SPPL3: variants seen among roughly 807,000 people sequenced by gnomAD.
SPPL3 encodes signal peptide peptidase-like 3.
A neutral mutation model predicts 42.4 loss-of-function variants in SPPL3; 5 were observed. That is an observed-to-expected ratio of 0.12 (90% CI 0.06 to 0.25). The LOEUF (loss-of-function observed/expected upper bound fraction) is 0.25, where lower values mean the gene tolerates loss of function less well. SPPL3 is among the 10% of genes least tolerant of loss of function. The pLI, the probability that SPPL3 is intolerant of heterozygous loss-of-function variation, is 1.00. For synonymous variants in SPPL3, 195 were observed against 181.8 expected, an observed-to-expected ratio of 1.07 and a Z score of -0.58; for missense variants, 235 against 489.0, an observed-to-expected ratio of 0.48 and a Z score of 4.90.
intron 3 of SPPL3, among the ~76,000 whole-genome samples, chr12:120,789,480 A>C (rs572322072): frequency 6.9e-6 from 1 of 145,548 alleles, no homozygotes; most frequent in South Asian, 2.2e-4. Context: ...AGCATTTAAA[A>C]AAGAAGTATT....
chr12:120,827,863 C>T (rs988626996), intron 1 of SPPL3, among the ~76,000 whole-genome samples: 3 of 152,118 alleles, frequency 2.0e-5, no homozygotes, highest in African/African-American at 7.2e-5. Flanking sequence ...TCTTGGCTCA[C>T]TGCATCCTCC....
At chr12:120,852,303 C>A (rs10849800) in intron 1 of SPPL3, among the ~76,000 whole-genome samples, 25,800 of 141,770 alleles carry the variant, frequency 0.18, 4,176 homozygotes, top group African/African-American at 0.4. Context: ...AGATATATAT[C>A]TTTATTATAT....
intron 1 of SPPL3, among the ~76,000 whole-genome samples, chr12:120,811,956 G>A (rs917840009): frequency 1.3e-5 from 2 of 152,118 alleles, no homozygotes; most frequent in Non-Finnish European, 2.9e-5. Flanking sequence ...TGCAGTCTAA[G>A]AACAGGGGAG....
At chr12:120,861,894 A>C (rs550432857) in intron 1 of SPPL3, among the ~76,000 whole-genome samples, 52 of 152,306 alleles carry the variant, frequency 3.4e-4, no homozygotes, top group Non-Finnish European at 5.7e-4. Flanking sequence ...AAGGATTGGG[A>C]ATATCACTTT....
chr12:120,824,209 G>C (rs1871169949), intron 1 of SPPL3, among the ~76,000 whole-genome samples: 1 of 152,098 alleles, frequency 6.6e-6, no homozygotes, highest in Non-Finnish European at 1.5e-5. Flanking sequence ...GAATTGTTAG[G>C]AAGAAGCAAG....
intron 1 of SPPL3, among the ~76,000 whole-genome samples, chr12:120,824,392 C>T (rs1871176024): frequency 6.6e-6 from 1 of 151,970 alleles, no homozygotes; most frequent in South Asian, 2.1e-4. Flanking sequence ...TCTGATTTGG[C>T]TATATTTTTC....
intron 1 of SPPL3, among the ~76,000 whole-genome samples, chr12:120,816,848 G>A (rs956481681): frequency 2.6e-5 from 4 of 152,142 alleles, no homozygotes; most frequent in African/African-American, 9.7e-5. Context: ...GCCCAAAACT[G>A]GATGACAAAC....
chr12:120,825,621 A>C (rs1871210557), intron 1 of SPPL3, among the ~76,000 whole-genome samples: 1 of 152,228 alleles, frequency 6.6e-6, no homozygotes, highest in African/African-American at 2.4e-5. Flanking sequence ...CTGTTTACAG[A>C]GGGGTTAAAT....
At chr12:120,888,924 C>T (rs1873547057) in intron 1 of SPPL3, among the ~76,000 whole-genome samples, 1 of 152,062 alleles carries the variant, frequency 6.6e-6, no homozygotes, top group Non-Finnish European at 1.5e-5. Flanking sequence ...ATTCTCCTGC[C>T]TCAGCCTCCC....
In SPPL3 at chr12:120,781,555, G is replaced by GTGTTTTTTTT. The variant is rs1869541007; in HGVS notation, c.502+1099_502+1100insAAAAAAAACA. ...TCTAATCCCATCTCCTTATTGTTAC[G>GTGTTTTTTTT]TTTTTTTTTTTTTTTTTTTTTTTTT... On this transcript the variant is annotated intron_variant, in intron 6 of 10. Transcript: ENST00000353487. Among the ~76,000 whole-genome samples the GTGTTTTTTTT allele has an allele frequency of 1.4e-3, 90 of 63,010 alleles. 14 individuals are homozygous for GTGTTTTTTTT. The highest frequency in any genetic ancestry group is 3.4e-3 in the African/African-American group (50 of 14,642). 41.3% of individuals were successfully genotyped at this position (63,010 alleles called of 152,430 possible).
At chr12:120,786,644 GCA>G (rs1290754690) in intron 3 of SPPL3, among the ~76,000 whole-genome samples, 2 of 151,908 alleles carry the variant, frequency 1.3e-5, no homozygotes, top group African/African-American at 2.4e-5. Context: ...TAGATAGAAT[GCA>G]CAGATTTTTT....
intron 2 of SPPL3, among the ~76,000 whole-genome samples, chr12:120,799,342 T>C (rs1358102330): frequency 1.3e-5 from 2 of 152,232 alleles, no homozygotes; most frequent in African/African-American, 4.8e-5. Flanking sequence ...GTATGGGTAC[T>C]TGAAGTATGC....
intron 1 of SPPL3, among the ~76,000 whole-genome samples, chr12:120,891,862 CTTTTAT>C (rs1036407693): frequency 2.0e-5 from 3 of 151,594 alleles, no homozygotes; most frequent in Non-Finnish European, 4.4e-5. Context: ...TTTACTTATA[CTTTTAT>C]AAGTGAGTCA....
intron 2 of SPPL3, among the ~76,000 whole-genome samples, chr12:120,794,749 T>C (rs1870043209): frequency 6.6e-6 from 1 of 152,214 alleles, no homozygotes; most frequent in Non-Finnish European, 1.5e-5. Flanking sequence ...TGATCAGTGA[T>C]ACAATTAAGT....
intron 1 of SPPL3, among the ~76,000 whole-genome samples, chr12:120,898,790 C>T (rs554846363): frequency 6.6e-6 from 1 of 152,284 alleles, no homozygotes; most frequent in Admixed American, 6.5e-5. Flanking sequence ...TGCTTTGAGC[C>T]TCAATTTCCT....
intron 2 of SPPL3, among the ~76,000 whole-genome samples, chr12:120,793,617 T>C (rs1030171872): frequency 1.3e-5 from 2 of 152,238 alleles, no homozygotes; most frequent in Non-Finnish European, 2.9e-5. Context: ...CTAGTGGGAA[T>C]GTGAACTGGT....
intron 1 of SPPL3, among the ~76,000 whole-genome samples, chr12:120,852,700 T>A (rs1872274356): frequency 1.0e-4 from 2 of 19,406 alleles, no homozygotes; most frequent in Admixed American, 2.2e-3. Context: ...TATACATATT[T>A]TACATATATG....
intron 1 of SPPL3, among the ~76,000 whole-genome samples, chr12:120,826,412 C>T (rs1269899703): frequency 6.6e-6 from 1 of 152,030 alleles, no homozygotes. Flanking sequence ...GACTGGGCAT[C>T]GAAATCCCAA....
At chr12:120,875,238 C>A (rs946375892) in intron 1 of SPPL3, among the ~76,000 whole-genome samples, 4 of 151,556 alleles carry the variant, frequency 2.6e-5, no homozygotes, top group African/African-American at 9.7e-5. Flanking sequence ...GCCTTTTATG[C>A]CATGAAAATA....
Sources: allele counts gnomAD v4.1 joint callset (sites outside exome capture counted in the v4.1 genomes callset), GRCh38; gene constraint gnomAD v4.1.1; transcripts MANE v1.5; gene names NCBI Gene and HGNC (gene_info 2026-07-23, HGNC 2026-07-21).